CDH12: variants seen among roughly 807,000 people sequenced by gnomAD.
CDH12 encodes cadherin-12.
Under a neutral mutation model 74.1 loss-of-function variants are expected in CDH12, and 41 were observed. That is an observed-to-expected ratio of 0.55 (90% confidence interval 0.43 to 0.72). The LOEUF is 0.72. Ranked by LOEUF, CDH12 falls within the 30% of genes least tolerant of loss-of-function variation. The pLI is 0.00. For missense variants in CDH12, 945 were observed against 977.2 expected, an observed-to-expected ratio of 0.97 and a Z score of 0.44; for synonymous variants, 399 against 355.0, an observed-to-expected ratio of 1.12 and a Z score of -1.39.
intron 3 of CDH12, among the ~76,000 whole-genome samples, chr5:22,303,362 AT>A (rs1203222637): frequency 6.6e-6 from 1 of 152,116 alleles, no homozygotes; most frequent in South Asian, 2.1e-4. Context: ...TATTAATATT[AT>A]TTTGATTACA....
chr5:21,883,235 A>G, intron 6 of CDH12: 3 of 1,361,014 alleles, frequency 2.2e-6, no homozygotes, highest in Non-Finnish European at 3.2e-6. Context: ...AAATTATTGA[A>G]GGCATGAAGT....
At chr5:22,703,299 A>C (rs10067423) in intron 1 of CDH12, among the ~76,000 whole-genome samples, 99,759 of 151,960 alleles carry the variant, frequency 0.66, 32,921 homozygotes, top group Admixed American at 0.72. Context: ...TATCTAAACT[A>C]TCAGCTGAAA....
chr5:22,847,316 A>G (rs1737352744), intron 1 of CDH12, among the ~76,000 whole-genome samples: 1 of 152,268 alleles, frequency 6.6e-6, no homozygotes, highest in South Asian at 2.1e-4. Flanking sequence ...TTTCAGTAAA[A>G]TCTTGCTTTA....
intron 2 of CDH12, among the ~76,000 whole-genome samples, chr5:22,482,433 C>T (rs1746420535): frequency 6.6e-6 from 1 of 152,088 alleles, no homozygotes; most frequent in South Asian, 2.1e-4. Flanking sequence ...GTAGTCTTCC[C>T]CTCTACGTAC....
intron 6 of CDH12, among the ~76,000 whole-genome samples, chr5:21,956,698 T>C (rs2150106300): frequency 6.6e-6 from 1 of 152,268 alleles, no homozygotes; most frequent in Middle Eastern, 3.4e-3. Flanking sequence ...TATCATTTCA[T>C]AGATAGGATA....
intron 1 of CDH12, among the ~76,000 whole-genome samples, chr5:22,622,552 A>G (rs1385870804): frequency 6.6e-6 from 1 of 152,206 alleles, no homozygotes; most frequent in Non-Finnish European, 1.5e-5. Context: ...ATCTCAACTC[A>G]AATAAACTAG....
intron 5 of CDH12, among the ~76,000 whole-genome samples, chr5:22,015,728 C>G (rs1215807205): frequency 6.6e-6 from 1 of 152,042 alleles, no homozygotes; most frequent in Non-Finnish European, 1.5e-5. Flanking sequence ...CAACTTTGTT[C>G]TTTTACAGTG....
At chr5:22,049,473 A>C (rs891922962) in intron 5 of CDH12, among the ~76,000 whole-genome samples, 2 of 150,794 alleles carry the variant, frequency 1.3e-5, no homozygotes, top group East Asian at 1.9e-4. Context: ...GTTTCTAGTC[A>C]TCTTCCTTTT....
chr5:22,337,240 C>G (rs368007485), intron 3 of CDH12, among the ~76,000 whole-genome samples: 1 of 152,104 alleles, frequency 6.6e-6, no homozygotes, highest in South Asian at 2.1e-4. Flanking sequence ...GGCTCATAGG[C>G]AGAAGGGACA....
intron 1 of CDH12, among the ~76,000 whole-genome samples, chr5:22,683,754 A>G (rs548622253): frequency 6.6e-6 from 1 of 152,326 alleles, no homozygotes; most frequent in East Asian, 1.9e-4. Flanking sequence ...TCAAGTATGG[A>G]AAAAGGTTTC....
intron 1 of CDH12, among the ~76,000 whole-genome samples, chr5:22,697,689 T>G (rs1007465491): frequency 2.6e-5 from 4 of 152,212 alleles, no homozygotes. Context: ...CACATTGTTA[T>G]GGACTAAATT....
chr5:22,495,248 T>G (rs1011331894), intron 2 of CDH12, among the ~76,000 whole-genome samples: 7 of 152,200 alleles, frequency 4.6e-5, no homozygotes, highest in Admixed American at 3.3e-4. Context: ...TTTCTCCATC[T>G]GCCTCATCAT....
At chr5:22,552,979 T>A (rs576830959) in intron 1 of CDH12, among the ~76,000 whole-genome samples, 1 of 152,296 alleles carries the variant, frequency 6.6e-6, no homozygotes, top group South Asian at 2.1e-4. Flanking sequence ...AAATATATAA[T>A]ATACTGGTTA....
intron 3 of CDH12, among the ~76,000 whole-genome samples, chr5:22,316,953 A>G (rs1738659147): frequency 6.6e-6 from 1 of 152,084 alleles, no homozygotes; most frequent in African/African-American, 2.4e-5. Flanking sequence ...ATGTGTCCAG[A>G]TATCAGGAGG....
chr5:22,180,163 G>C (rs1489277105), intron 4 of CDH12, among the ~76,000 whole-genome samples: 1 of 152,120 alleles, frequency 6.6e-6, no homozygotes, highest in African/African-American at 2.4e-5. Flanking sequence ...AATGCCACAG[G>C]AAATAACCTA....
intron 2 of CDH12, among the ~76,000 whole-genome samples, chr5:22,471,788 T>C (rs796086942): frequency 6.6e-6 from 1 of 152,216 alleles, no homozygotes; most frequent in South Asian, 2.1e-4. Flanking sequence ...CTTTATTTAG[T>C]TGACAGAACA....
chr5:22,075,992 A>G (rs80347292), intron 5 of CDH12, among the ~76,000 whole-genome samples: 1,849 of 152,202 alleles, frequency 0.012, 23 homozygotes, highest in South Asian at 0.06. Flanking sequence ...ATGTTATCAT[A>G]TTTCTATTCT....
At chr5:22,066,187 TG>T (rs1473713329) in intron 5 of CDH12, among the ~76,000 whole-genome samples, 2 of 152,108 alleles carry the variant, frequency 1.3e-5, no homozygotes, top group African/African-American at 4.8e-5. Context: ...CATAGGTTTT[TG>T]GGGGAACAGG....
intron 2 of CDH12, among the ~76,000 whole-genome samples, chr5:22,431,506 CTATACTATTCTTTTTACAA>C: frequency 6.6e-6 from 1 of 152,338 alleles, no homozygotes; most frequent in East Asian, 1.9e-4. Context: ...TATGTATTTA[CTATACTATTCTTTTTACAA>C]GTATTTTAGA....
Sources: gnomAD v4.1 joint callset for allele counts (sites outside exome capture counted in the v4.1 genomes callset) on GRCh38, gnomAD v4.1.1 for gene constraint, MANE v1.5 for transcripts, NCBI Gene and HGNC (gene_info 2026-07-23, HGNC 2026-07-21) for gene names.